The following TET3 variants were observed in gnomAD, a reference collection of about 807,000 sequenced individuals.
TET3 encodes methylcytosine dioxygenase TET3.
In TET3, 19 loss-of-function variants were observed where a neutral mutation model predicts 141.4. The ratio of observed to expected loss-of-function variants is 0.13; its 90% CI spans 0.09 to 0.20. The LOEUF (loss-of-function observed/expected upper bound fraction) is 0.20, where lower values mean the gene tolerates loss of function less well. Ranked by LOEUF, TET3 falls within the 10% of genes least tolerant of loss-of-function variation. The pLI, the probability that TET3 is intolerant of heterozygous loss-of-function variation, is 1.00. For synonymous variants in TET3, 1,043 were observed against 980.9 expected, an observed-to-expected ratio of 1.06 and a Z score of -1.18; for missense variants, 1,874 against 2,356.9, an observed-to-expected ratio of 0.80 and a Z score of 4.24.
the TET3 span, among the ~76,000 whole-genome samples, chr2:74,126,664 G>A: frequency 6.6e-6 from 1 of 151,970 alleles, no homozygotes; most frequent in South Asian, 2.1e-4. Context: ...ACCACTCCCG[G>A]CTAATTTTTT....
chr2:74,085,573 G>T (rs1690079612), intron 6 of TET3, among the ~76,000 whole-genome samples: 1 of 152,248 alleles, frequency 6.6e-6, no homozygotes, highest in Admixed American at 6.5e-5. Context: ...TTTCGTGGAA[G>T]ACCATTCAGG....
intron 3 of TET3, among the ~76,000 whole-genome samples, chr2:74,006,479 A>G (rs1685154372): frequency 6.6e-6 from 1 of 152,212 alleles, no homozygotes; most frequent in Non-Finnish European, 1.5e-5. Context: ...CCTCCTGTCC[A>G]CAGTGGTGCA....
At chr2:74,097,656 G>T (rs944663350) in intron 10 of TET3, among the ~76,000 whole-genome samples, 2 of 152,194 alleles carry the variant, frequency 1.3e-5, no homozygotes, top group Non-Finnish European at 2.9e-5. Context: ...GGAAGAATGG[G>T]TGATGCAGCG....
At chr2:74,024,808 C>G (rs976757273) in intron 3 of TET3, among the ~76,000 whole-genome samples, 1 of 152,200 alleles carries the variant, frequency 6.6e-6, no homozygotes, top group Non-Finnish European at 1.5e-5. Flanking sequence ...CAGAGTTTTA[C>G]AAAAGTTGCA....
intron 4 of TET3, among the ~76,000 whole-genome samples, chr2:74,068,316 A>C (rs1398057757): frequency 2.0e-5 from 3 of 150,124 alleles, no homozygotes; most frequent in Admixed American, 2.0e-4. Flanking sequence ...TGTATGTACA[A>C]ATGTATGTGT....
chr2:73,984,585 C>T (rs1683897916), upstream of TET3, among the ~76,000 whole-genome samples: 2 of 151,970 alleles, frequency 1.3e-5, no homozygotes, highest in South Asian at 4.1e-4. The surrounding 1 kb of genome is among the most constrained non-coding windows in gnomAD (Gnocchi z 5.6). Flanking sequence ...GGAAGGTCCG[C>T]GTGCCCCACC....
the TET3 span, among the ~76,000 whole-genome samples, chr2:74,116,983 T>G: frequency 6.6e-6 from 1 of 151,792 alleles, no homozygotes; most frequent in African/African-American, 2.4e-5. Flanking sequence ...ACCAGGGAAC[T>G]CAGGGAAGCA....
chr2:74,101,996 G>T lies in TET3; in HGVS notation c.5208G>T (p.Glu1736Asp), dbSNP rs753060595. 1.2e-6 allele frequency: 2 copies of T among 1,600,134 alleles called. No individual in the cohort carries two copies. Among genetic ancestry groups the T allele is most frequent in the East Asian group, 2.2e-5 (1 of 44,558 alleles). ...CCCGGCTGGGCCTGGGCCAGCAGGAGGCCAAGCTCTACGGGAAGAAGCGCA... is the reference window on the plus strand; with the variant it reads ...CCCGGCTGGGCCTGGGCCAGCAGGATGCCAAGCTCTACGGGAAGAAGCGCA... Reference protein sequence around the residue: ...EAARLGLGQQEAKLYGKKRKW... With the variant: ...EAARLGLGQQDAKLYGKKRKW... The change falls in exon 12 of 12, where the codon GAG (glutamate) becomes GAT (aspartate). Residue 1736 changes from glutamate to aspartate, a missense_variant. This residue lies in a region of TET3 where 113 missense variants were observed against 114.3 expected (regional missense o/e 0.99). Transcript: ENST00000409262. This position sits in a 1 kb window ranked among gnomAD's most constrained non-coding sequence, Gnocchi z 8.5.
At chr2:74,111,495 A>G (rs550505709), downstream of TET3, among the ~76,000 whole-genome samples, 2 of 152,306 alleles carry the variant, frequency 1.3e-5, no homozygotes, top group South Asian at 4.1e-4. Context: ...TGCTACTTTT[A>G]TTAGCAACCC....
chr2:74,051,516 G>T (rs1687943387), intron 4 of TET3, among the ~76,000 whole-genome samples: 2 of 152,208 alleles, frequency 1.3e-5, no homozygotes, highest in African/African-American at 4.8e-5. Flanking sequence ...AATTTGTGTT[G>T]TATAACCCAG....
At chr2:74,048,531 T>G in intron 4 of TET3, 120 bp downstream of exon 4, 1 of 1,107,966 alleles carries the variant, frequency 9.0e-7, no homozygotes, top group Non-Finnish European at 1.3e-6. Flanking sequence ...CACACTGGGT[T>G]CTGGGAACAC....
In TET3 at chr2:74,062,893, T is replaced by C. The variant is rs916382162; in HGVS notation, c.2495-10656T>C. ...AGTTCAGGTGAAACTTTTTTTTTTT[T>C]TTTTTTTTGAGACAGAGTATCACTC... On this transcript the variant is annotated intron_variant, in intron 4 of 11. Coordinates refer to ENST00000409262, the MANE Select transcript of TET3 (RefSeq NM_001287491.2). 2.7e-5 allele frequency among the ~76,000 whole-genome samples: 4 copies of C among 149,526 alleles called. 1 individual carries two copies. In the South Asian group the frequency reaches 8.6e-4, roughly 32 times the overall value.
At chr2:74,056,174 T>C (rs1688204614) in intron 4 of TET3, among the ~76,000 whole-genome samples, 1 of 152,234 alleles carries the variant, frequency 6.6e-6, no homozygotes, top group Non-Finnish European at 1.5e-5. Flanking sequence ...TCAGCTGTGC[T>C]CCTGTGTACA....
chr2:74,041,299 T>C (rs1687325283), intron 3 of TET3, among the ~76,000 whole-genome samples: 1 of 152,204 alleles, frequency 6.6e-6, no homozygotes, highest in Non-Finnish European at 1.5e-5. Context: ...TTCAGATGTT[T>C]AAAGACTTTC....
intron 6 of TET3, among the ~76,000 whole-genome samples, chr2:74,083,371 T>C (rs1186945131): frequency 2.6e-5 from 4 of 152,150 alleles, no homozygotes; most frequent in African/African-American, 9.7e-5. Flanking sequence ...AGGCAGGTAC[T>C]TGTAGGCTCA....
chr2:74,047,124 G>A lies in TET3; in HGVS notation c.1207G>A (p.Ala403Thr). ...CAGATCTCCCCAGTCTTACCTCCGG[G>A]CTCCCTCATGGCCTGTGGTTCCTCC... Reference protein sequence around the residue: ...PFRSPQSYLRAPSWPVVPPEE... With the variant: ...PFRSPQSYLRTPSWPVVPPEE... The change falls in exon 4 of 12, where the codon GCT becomes ACT. Residue 403 changes from alanine (A) to threonine (T), a missense_variant. By Grantham distance (58) the Ala-to-Thr change is moderately conservative. Transcript: ENST00000409262. 1 of 1,613,774 alleles carries A rather than the reference G, an allele frequency of 6.2e-7. No homozygotes were observed. Among genetic ancestry groups the A allele is most frequent in the African/African-American group, 1.3e-5 (1 of 74,952 alleles).
the TET3 span, among the ~76,000 whole-genome samples, chr2:74,128,675 T>TA: frequency 6.7e-5 from 10 of 148,262 alleles, no homozygotes; most frequent in East Asian, 5.9e-4. Flanking sequence ...ATAAAGACTA[T>TA]AAAAAAATAA....
chr2:74,080,116 A>G (rs1689723735), intron 5 of TET3, among the ~76,000 whole-genome samples: 1 of 152,226 alleles, frequency 6.6e-6, no homozygotes, highest in African/African-American at 2.4e-5. Flanking sequence ...TGTTATATTT[A>G]TAAATAGCTA....
chr2:74,062,838 C>T (rs1422000599), intron 4 of TET3, among the ~76,000 whole-genome samples: 1 of 150,750 alleles, frequency 6.6e-6, no homozygotes, highest in Non-Finnish European at 1.5e-5. Context: ...AAAAGAGAAC[C>T]GTATGCTGAA....
Sources: allele counts gnomAD v4.1 joint callset (sites outside exome capture counted in the v4.1 genomes callset), GRCh38; gene constraint gnomAD v4.1.1; regional missense constraint gnomAD v4.1.1; non-coding constraint Gnocchi (gnomAD v3.1); transcripts MANE v1.5; gene names NCBI Gene and HGNC (gene_info 2026-07-23, HGNC 2026-07-21).